CDK13: variants seen among roughly 807,000 people sequenced by gnomAD.
CDK13 encodes the protein cyclin dependent kinase 13.
CDK13 carries 40 observed loss-of-function variants against 137.6 expected under a neutral mutation model. The ratio of observed to expected loss-of-function variants is 0.29; its 90% CI spans 0.23 to 0.38. CDK13 has a LOEUF of 0.38. Among genes scored for constraint, CDK13 ranks in the 10% least tolerant of loss-of-function variants. CDK13 has a pLI of 1.00. For missense variants in CDK13, 1,704 were observed against 1,951.8 expected (o/e 0.87, Z 2.39); for synonymous variants, 869 against 760.1 (o/e 1.14, Z -2.36).
Position 40,002,475 on chromosome 7 carries a change from G to A in CDK13, c.2353+444G>A, listed in dbSNP as rs528918241. On this transcript the variant is annotated intron_variant, in intron 5 of 13. Transcript: ENST00000181839. ...AATTGCCTTTAATAATCTATAGTGGGGTATGTATATATGTATAGTTATTAT... is the reference window on the plus strand; with the variant it reads ...AATTGCCTTTAATAATCTATAGTGGAGTATGTATATATGTATAGTTATTAT... Among the ~76,000 whole-genome samples, 6 of 152,012 alleles carry A rather than the reference G, an allele frequency of 3.9e-5. No individual in the cohort carries two copies. The South Asian group carries it at 8.3e-4, about 21-fold the overall frequency.
intron 1 of CDK13, among the ~76,000 whole-genome samples, chr7:39,979,319 C>T (rs1784176562): frequency 6.7e-6 from 1 of 150,368 alleles, no homozygotes; most frequent in African/African-American, 2.5e-5. Flanking sequence ...CAGGTTCAAG[C>T]GATTCTCCTG....
intron 1 of CDK13, among the ~76,000 whole-genome samples, chr7:39,969,938 A>G (rs1469227732): frequency 2.6e-5 from 4 of 151,924 alleles, no homozygotes; most frequent in Non-Finnish European, 5.9e-5. Flanking sequence ...TCTGTGGCTC[A>G]CTTTCCCTAA....
At chr7:40,039,470 C>T (rs926740162) in intron 5 of CDK13, among the ~76,000 whole-genome samples, 3 of 115,612 alleles carry the variant, frequency 2.6e-5, no homozygotes, top group African/African-American at 4.2e-5. Context: ...GACAGAGTGT[C>T]GCCCAGGCGG....
In CDK13 at chr7:39,997,472, G is replaced by T. The variant is rs200663543; in HGVS notation, c.1872-22G>T. ...AGTCAACAAAATTTTTGTTTTATTT[G>T]TCTGACTTCTTTCACTTTCAGCTTA... On this transcript the variant is annotated intron_variant, in intron 2 of 13. Transcript: ENST00000181839. The T allele has an allele frequency of 4.0e-5, 64 of 1,581,682 alleles. No homozygotes were observed. In the East Asian group the frequency reaches 1.3e-3, roughly 33 times the overall value.
At chr7:40,006,226 A>G (rs930845139) in intron 5 of CDK13, among the ~76,000 whole-genome samples, 1 of 152,132 alleles carries the variant, frequency 6.6e-6, no homozygotes, top group Non-Finnish European at 1.5e-5. Context: ...GTGTTCCTCT[A>G]GGTACTCAGT....
In CDK13 at chr7:39,951,386, G is replaced by A. The variant is rs1554317237; in HGVS notation, c.745G>A (p.Gly249Ser). 7.2e-6 allele frequency: 11 copies of A among 1,521,242 alleles called. No individual in the cohort carries two copies. Among genetic ancestry groups the A allele is most frequent in the Admixed American group, 2.1e-5 (1 of 48,420 alleles). 94.2% of individuals were successfully genotyped at this position (1,521,242 alleles called of 1,614,324 possible). ...GGAACGGGCCGAGGTCGCCAAGAGCGGCAGCAGCAGCAGCAGCGGCGGCCG... is the reference window on the plus strand; with the variant it reads ...GGAACGGGCCGAGGTCGCCAAGAGCAGCAGCAGCAGCAGCAGCGGCGGCCG... Reference protein sequence around the residue: ...GEERAEVAKSGSSSSSGGRRK... With the variant: ...GEERAEVAKSSSSSSSGGRRK... Residue 249 changes from glycine to serine, a missense_variant, in exon 1 of 14, where the codon GGC becomes AGC. Physicochemically the swap from Gly to Ser is moderately conservative, Grantham distance 56 (BLOSUM62 0). Transcript: ENST00000181839.
At chr7:39,967,595 C>T (rs952982311) in intron 1 of CDK13, among the ~76,000 whole-genome samples, 1 of 152,090 alleles carries the variant, frequency 6.6e-6, no homozygotes, top group Admixed American at 6.6e-5. Context: ...GATTTCAGTT[C>T]CTTTGGGTAT....
At chr7:39,960,546 C>T (rs534322350) in intron 1 of CDK13, among the ~76,000 whole-genome samples, 42 of 151,594 alleles carry the variant, frequency 2.8e-4, no homozygotes, top group Admixed American at 7.2e-4. Flanking sequence ...CATGAGCCAC[C>T]GCATCTGGCC....
chr7:40,002,148 G>C lies in CDK13; in HGVS notation c.2353+117G>C, dbSNP rs1249133906. ...AATTACAAACTATTGCTCTAATCGTGAAACTATATTTTTAAGTTTGGTAGA... is the reference window on the plus strand; with the variant it reads ...AATTACAAACTATTGCTCTAATCGTCAAACTATATTTTTAAGTTTGGTAGA... On this transcript the variant is annotated intron_variant, in intron 5 of 13. Coordinates refer to ENST00000181839, the MANE Select transcript of CDK13 (RefSeq NM_003718.5). 4.8e-6 allele frequency: 3 copies of C among 620,448 alleles called. No individual in the cohort carries two copies. The East Asian group carries it at 8.6e-5, about 18-fold the overall frequency. 38.4% of individuals were successfully genotyped at this position (620,448 alleles called of 1,614,324 possible). A position where few individuals can be genotyped will look rare whatever the true frequency, so the allele number is the denominator to read the frequency against.
At chr7:40,067,242 T>C (rs1424645569) in intron 9 of CDK13, 2 of 152,232 alleles carry the variant, frequency 1.3e-5, no homozygotes, top group Non-Finnish European at 1.5e-5. Flanking sequence ...ATCTAAACTT[T>C]TAACCATTAC....
intron 1 of CDK13, among the ~76,000 whole-genome samples, chr7:39,980,363 T>A (rs1328043535): frequency 1.3e-5 from 2 of 152,132 alleles, no homozygotes; most frequent in Non-Finnish European, 2.9e-5. Context: ...TAATATAGAT[T>A]AGAGTGGAAG....
rs771361617 is a variant in CDK13 at position 39,987,997 on chromosome 7, C to G, written c.1610C>G (p.Ala537Gly). The G allele has an allele frequency of 1.2e-6, 2 of 1,613,936 alleles. No homozygotes were observed. The highest frequency in any genetic ancestry group is 1.7e-5 in the Admixed American group (1 of 59,984). ...GGTGGAACTTTAAAAAATGACAAAG[C>G]AAAAACAAAGCCACCTCTTCAGGTA... ...SSGGTLKNDK[A>G]KTKPPLQVTK... is the part of the protein sequence containing the mutation. Residue 537 changes from alanine (A) to glycine (G), a missense_variant, in exon 2 of 14, where the codon GCA becomes GGA. By Grantham distance (60) the Ala-to-Gly change is moderately conservative. Around this residue, in one of 5 missense-constraint regions of CDK13, gnomAD observed 1,051 missense variants for 931.0 expected, o/e 1.13. Coordinates refer to ENST00000181839, the MANE Select transcript of CDK13 (RefSeq NM_003718.5).
chr7:40,046,909 C>G (rs1237947884), intron 6 of CDK13, among the ~76,000 whole-genome samples: 1 of 144,636 alleles, frequency 6.9e-6, no homozygotes, highest in Admixed American at 7.4e-5. Context: ...GCCTGAGGAA[C>G]GAGAATCGCT....
At chr7:40,090,856 A>T (rs1163555214) in intron 12 of CDK13, among the ~76,000 whole-genome samples, 2 of 152,066 alleles carry the variant, frequency 1.3e-5, no homozygotes, top group African/African-American at 4.8e-5. Flanking sequence ...CTGGATGATA[A>T]AGTGAGACCC....
chr7:40,021,107 A>G (rs1314621730), intron 5 of CDK13, among the ~76,000 whole-genome samples: 4 of 14,396 alleles, frequency 2.8e-4, no homozygotes, highest in Non-Finnish European at 4.7e-4. Context: ...ACAAACGTAT[A>G]TATATATATA....
intron 5 of CDK13, among the ~76,000 whole-genome samples, chr7:40,038,329 C>T (rs969627844): frequency 6.6e-6 from 1 of 152,152 alleles, no homozygotes; most frequent in African/African-American, 2.4e-5. Flanking sequence ...ACAAAAATCA[C>T]GCATTGCTTA....
At chr7:40,013,360 C>T (rs191653219) in intron 5 of CDK13, among the ~76,000 whole-genome samples, 1 of 152,188 alleles carries the variant, frequency 6.6e-6, no homozygotes. Flanking sequence ...TATGAATATG[C>T]TAATGCCACT....
At position 39,999,401 on chromosome 7, in the gene CDK13, A is replaced by T. The variant is rs774317965; in HGVS notation, c.2083A>T (p.Ile695Phe). The T allele has an allele frequency of 5.0e-6, 8 of 1,613,102 alleles. No homozygotes were observed. The highest frequency in any genetic ancestry group is 6.8e-6 in the Non-Finnish European group (8 of 1,179,442). Residue 695 changes from isoleucine (I) to phenylalanine (F), a missense_variant, in exon 4 of 14, where the codon ATT becomes TTT. By Grantham distance (21) the Ile-to-Phe change is conservative. Transcript: ENST00000181839. ...CTATGGTGAAACCAAAGAAAAAGAT[A>T]TTGACTGGGGAAAACGCTGCGTGGA... Reference protein sequence around the residue: ...PRYGETKEKDIDWGKRCVDKF... With the variant: ...PRYGETKEKDFDWGKRCVDKF...
chr7:40,025,534 A>G (rs758766136), intron 5 of CDK13, among the ~76,000 whole-genome samples: 17 of 152,228 alleles, frequency 1.1e-4, no homozygotes, highest in Non-Finnish European at 1.9e-4. Context: ...CTTAACAGGT[A>G]GGATCTATAT....
Sources: allele counts gnomAD v4.1 joint callset (sites outside exome capture counted in the v4.1 genomes callset), GRCh38; gene constraint gnomAD v4.1.1; regional missense constraint gnomAD v4.1.1; transcripts MANE v1.5; gene names NCBI Gene and HGNC (gene_info 2026-07-23, HGNC 2026-07-21).